Variants in DNMBP observed in about 807,000 individuals in gnomAD.
DNMBP encodes dynamin-binding protein.
A neutral mutation model predicts 150.0 loss-of-function variants in DNMBP; 87 were observed. That is an observed-to-expected ratio of 0.58 (90% CI 0.49 to 0.69). DNMBP has a LOEUF of 0.69. Among genes scored for constraint, DNMBP ranks in the 30% least tolerant of loss-of-function variants. The pLI, the probability that DNMBP is intolerant of heterozygous loss-of-function variation, is 0.00. For synonymous variants in DNMBP, 711 were observed against 750.4 expected, an observed-to-expected ratio of 0.95 and a Z score of 0.86; for missense variants, 1,774 against 1,949.0, an observed-to-expected ratio of 0.91 and a Z score of 1.69.
intron 1 of DNMBP, among the ~76,000 whole-genome samples, chr10:99,997,787 G>A (rs1011634499): frequency 9.2e-5 from 14 of 151,440 alleles, no homozygotes; most frequent in Admixed American, 6.6e-5. Flanking sequence ...TCTATTCCAG[G>A]CATGGTGGCT....
intron 4 of DNMBP, chr10:99,930,277 C>G (rs1182838909): frequency 1.4e-6 from 1 of 702,974 alleles, no homozygotes; most frequent in Admixed American, 2.0e-5. Context: ...TCATCCAAAC[C>G]CCTACAGTCA....
At chr10:99,963,834 T>G (rs2040589075) in intron 3 of DNMBP, among the ~76,000 whole-genome samples, 1 of 151,482 alleles carries the variant, frequency 6.6e-6, no homozygotes, top group African/African-American at 2.4e-5. Context: ...GGGAACTATG[T>G]GCTTTATGCA....
intron 4 of DNMBP, among the ~76,000 whole-genome samples, chr10:99,931,598 A>C (rs528917039): frequency 6.6e-6 from 1 of 152,298 alleles, no homozygotes; most frequent in East Asian, 1.9e-4. Context: ...TCATTTCTTA[A>C]ACCTCTTTTC....
chr10:99,978,434 C>T lies in DNMBP; in HGVS notation c.-10-6300G>A, dbSNP rs138602276. On this transcript the variant is annotated intron_variant, in intron 1 of 16. Transcript: ENST00000324109. Reference sequence around the variant, plus strand: ...ATCACATATTATCTATCCCTTTATTCGTTTATCAATTTGTGTTATTTTTTG... The same window carrying T: ...ATCACATATTATCTATCCCTTTATTTGTTTATCAATTTGTGTTATTTTTTG... 6.6e-3 allele frequency among the ~76,000 whole-genome samples: 1,006 copies of T among 152,108 alleles called. 10 individuals carry two copies. Among genetic ancestry groups the T allele is most frequent in the African/African-American group, 0.023 (964 of 41,504 alleles).
At chr10:99,900,633 GTTTC>G (rs984110060) in intron 6 of DNMBP, among the ~76,000 whole-genome samples, 14 of 149,768 alleles carry the variant, frequency 9.3e-5, no homozygotes, top group Non-Finnish European at 1.6e-4. Context: ...GACCCCCTCA[GTTTC>G]TTATTTTTTT....
chr10:99,993,189 TAAAG>T (rs1188066821), intron 1 of DNMBP, among the ~76,000 whole-genome samples: 2 of 152,180 alleles, frequency 1.3e-5, no homozygotes, highest in African/African-American at 2.4e-5. Context: ...TTATCTGCAT[TAAAG>T]AGAGAGGAAT....
At position 99,888,932 on chromosome 10, in the gene DNMBP, C is replaced by A; in HGVS notation, c.3178G>T (p.Val1060Leu). 6.2e-7 allele frequency: 1 copy of A among 1,614,156 alleles called. No individual in the cohort carries two copies. Among genetic ancestry groups the A allele is most frequent in the East Asian group, 2.2e-5 (1 of 44,874 alleles). The part of the protein sequence containing the change: ...HIRESACVKV[V>L]AAVSMWDVCM... ...ACATCCCACATGCTCACAGCAGCCA[C>A]CACTTTCACACATGCGGACTCCTGG... The change falls in exon 12 of 17, where the codon GTG becomes TTG. Residue 1060 changes from valine to leucine, a missense_variant. Around this residue, in one of 2 missense-constraint regions of DNMBP, gnomAD observed 1,430 missense variants for 1,492.5 expected, o/e 0.96. Coordinates refer to ENST00000324109, the MANE Select transcript of DNMBP (RefSeq NM_015221.4).
intron 4 of DNMBP, among the ~76,000 whole-genome samples, chr10:99,937,002 G>A (rs1167433351): frequency 6.6e-6 from 1 of 152,196 alleles, no homozygotes; most frequent in African/African-American, 2.4e-5. Flanking sequence ...CAGGGTTCAA[G>A]AGATTGTCCT....
At chr10:99,948,328 T>C (rs1008885087) in intron 4 of DNMBP, among the ~76,000 whole-genome samples, 1 of 152,182 alleles carries the variant, frequency 6.6e-6, no homozygotes, top group Admixed American at 6.5e-5. Flanking sequence ...AAGTAAAAGT[T>C]TTTTAAAATA....
chr10:99,923,392 A>AAT (rs1564733300), intron 4 of DNMBP, among the ~76,000 whole-genome samples: 8 of 151,306 alleles, frequency 5.3e-5, no homozygotes, highest in African/African-American at 1.7e-4. Context: ...TCTCCAAAAA[A>AAT]AATAATAATA....
intron 6 of DNMBP, among the ~76,000 whole-genome samples, chr10:99,902,696 G>A (rs2039763257): frequency 6.6e-6 from 1 of 151,240 alleles, no homozygotes; most frequent in African/African-American, 2.4e-5. Context: ...GGGAGGCCAA[G>A]GTGGGCGGAT....
chr10:99,881,799 GAAAA>G (rs994446620), intron 15 of DNMBP, among the ~76,000 whole-genome samples: 2 of 151,722 alleles, frequency 1.3e-5, no homozygotes, highest in Admixed American at 6.6e-5. Flanking sequence ...GAAGTGGGGA[GAAAA>G]AAAATCCACA....
rs150263372 is a variant in DNMBP at position 99,993,150 on chromosome 10, A to G, written c.-11+16688T>C. Reference sequence around the variant, plus strand: ...CTGAAAATAGTACCTCACAAATAGTAAGCATTACACCAGTGTCAGCTATTA... The same window carrying G: ...CTGAAAATAGTACCTCACAAATAGTGAGCATTACACCAGTGTCAGCTATTA... On this transcript the variant is annotated intron_variant, in intron 1 of 16. Coordinates refer to ENST00000324109, the MANE Select transcript of DNMBP (RefSeq NM_015221.4). Among the ~76,000 whole-genome samples the G allele has an allele frequency of 6.6e-3, 1,007 of 152,340 alleles. 11 individuals are homozygous for G. Among genetic ancestry groups the G allele is most frequent in the African/African-American group, 0.023 (966 of 41,574 alleles).
chr10:99,995,878 C>G (rs2133382492), intron 1 of DNMBP, among the ~76,000 whole-genome samples: 1 of 152,364 alleles, frequency 6.6e-6, no homozygotes, highest in East Asian at 1.9e-4. Flanking sequence ...CAGGTGCTGC[C>G]ACGTCAGGCA....
intron 3 of DNMBP, among the ~76,000 whole-genome samples, chr10:99,968,590 A>G (rs2040643791): frequency 6.6e-6 from 1 of 150,638 alleles, no homozygotes; most frequent in Non-Finnish European, 1.5e-5. Context: ...CATGAAGCTG[A>G]GGTGGGAGGA....
At chr10:99,907,257 G>T (rs1427413673) in intron 6 of DNMBP, among the ~76,000 whole-genome samples, 3 of 152,014 alleles carry the variant, frequency 2.0e-5, no homozygotes, top group African/African-American at 4.8e-5. Context: ...GAGGCTGGGA[G>T]GTTGAGGCTG....
At chr10:99,894,457 T>G (rs1346544824) in intron 11 of DNMBP, among the ~76,000 whole-genome samples, 2 of 152,200 alleles carry the variant, frequency 1.3e-5, no homozygotes, top group African/African-American at 4.8e-5. Flanking sequence ...CTCAAAGCTG[T>G]TTATGGCTCT....
At chr10:99,968,549 G>A (rs111406619) in intron 3 of DNMBP, among the ~76,000 whole-genome samples, 239 of 152,110 alleles carry the variant, frequency 1.6e-3, no homozygotes, top group African/African-American at 4.8e-3. Context: ...TTAGCCCAGC[G>A]TGGTAGCACG....
In DNMBP at chr10:99,969,136, C is replaced by T. The variant is rs2040649846; in HGVS notation, c.247G>A (p.Asp83Asn). 3 of 1,613,940 alleles carry T rather than the reference C, an allele frequency of 1.9e-6. No homozygotes were observed. Among genetic ancestry groups the T allele is most frequent in the Non-Finnish European group, 2.5e-6 (3 of 1,179,996 alleles). The change falls in exon 3 of 17, where the codon GAT (aspartate) becomes AAT (asparagine). Residue 83 changes from aspartate to asparagine, a missense_variant. By Grantham distance (23) the Asp-to-Asn change is conservative. This residue lies in a region of DNMBP where 344 missense variants were observed against 456.6 expected (regional missense o/e 0.75). Coordinates refer to ENST00000324109, the MANE Select transcript of DNMBP (RefSeq NM_015221.4). ...CICEFTSQEL[D>N]NLPLHRGDLV... Reference sequence around the variant, plus strand: ...TTACCTCGATGGAGGGGAAGATTATCCAACTCTTGGGATGTGAATTCACAA... The same window carrying T: ...TTACCTCGATGGAGGGGAAGATTATTCAACTCTTGGGATGTGAATTCACAA...
Sources: gnomAD v4.1 joint callset for allele counts (sites outside exome capture counted in the v4.1 genomes callset) on GRCh38, gnomAD v4.1.1 for gene constraint, gnomAD v4.1.1 regional missense constraint, MANE v1.5 for transcripts, NCBI Gene and HGNC (gene_info 2026-07-23, HGNC 2026-07-21) for gene names.